Variants in GRM7 observed in about 807,000 individuals in gnomAD.
The protein encoded by GRM7 is glutamate metabotropic receptor 7.
GRM7 carries 35 observed loss-of-function variants against 84.5 expected under a neutral mutation model. The observed-to-expected ratio is 0.41, with a 90% CI of 0.32 to 0.55. The LOEUF is 0.55. GRM7 is among the 20% of genes least tolerant of loss of function. The probability of loss-of-function intolerance (pLI) is 0.19; values close to 1 mark genes in which losing one functional copy is unlikely to be tolerated. For synonymous variants in GRM7, 487 were observed against 455.1 expected (o/e 1.07, Z -0.89); for missense variants, 1,003 against 1,194.6 (o/e 0.84, Z 2.36).
chr3:7,489,234 T>C (rs1445185404), intron 7 of GRM7, among the ~76,000 whole-genome samples: 1 of 152,174 alleles, frequency 6.6e-6, no homozygotes, highest in Non-Finnish European at 1.5e-5. Flanking sequence ...TATTTTCTCT[T>C]CTTTTTCATT....
rs58178956 is a variant in GRM7, at chr3:7,566,103, GTT to G, written c.1516-12291_1516-12290del. Among the ~76,000 whole-genome samples, 595 of 129,804 alleles carry G rather than the reference GTT, an allele frequency of 4.6e-3. 7 individuals carry two copies. Among genetic ancestry groups the G allele is most frequent in the African/African-American group, 0.016 (541 of 33,252 alleles). The allele number at this position is 129,804 out of a possible 152,430, so 85.2% of individuals were successfully genotyped here. The stretch of plus-strand genomic sequence containing the variant: ...TGTTTTCTTTGGCTCTGAATCAGCT[GTT>G]TTTTTTTTTTTTTTTTTTTTTTTTT... On this transcript the variant is annotated intron_variant, in intron 7 of 9. Transcript: ENST00000357716.
chr3:7,218,822 A>G (rs1696700923), intron 2 of GRM7, among the ~76,000 whole-genome samples: 1 of 151,646 alleles, frequency 6.6e-6, no homozygotes, highest in Non-Finnish European at 1.5e-5. Context: ...AAATATATAT[A>G]TTTTCTTTGT....
chr3:6,969,155 CT>C (rs1042352088), intron 1 of GRM7, among the ~76,000 whole-genome samples: 22 of 151,780 alleles, frequency 1.4e-4, no homozygotes, highest in African/African-American at 5.3e-4. Context: ...ATTTTGCTTG[CT>C]TTTTTTGTTA....
At chr3:7,178,978 C>T (rs1695247859) in intron 2 of GRM7, among the ~76,000 whole-genome samples, 2 of 151,876 alleles carry the variant, frequency 1.3e-5, no homozygotes, top group South Asian at 2.1e-4. Context: ...TGGTGGCATG[C>T]ACCTGTAATC....
chr3:6,966,916 C>T (rs475029), intron 1 of GRM7, among the ~76,000 whole-genome samples: 141,236 of 152,304 alleles, frequency 0.93, 65,642 homozygotes, highest in East Asian at 1. Context: ...ACCTCTTTCA[C>T]CTTCAGGTAT....
intron 7 of GRM7, among the ~76,000 whole-genome samples, chr3:7,504,230 C>T (rs1699971802): frequency 6.6e-6 from 1 of 152,090 alleles, no homozygotes; most frequent in Non-Finnish European, 1.5e-5. Context: ...AAGGAGAGAC[C>T]AGGGCACATT....
chr3:7,585,558 A>G (rs1695481020), intron 8 of GRM7, among the ~76,000 whole-genome samples: 1 of 152,178 alleles, frequency 6.6e-6, no homozygotes, highest in African/African-American at 2.4e-5. Context: ...TAATCACTGG[A>G]AGTTTGAACA....
At chr3:7,439,631 T>C (rs1697204034) in intron 5 of GRM7, among the ~76,000 whole-genome samples, 1 of 152,194 alleles carries the variant, frequency 6.6e-6, no homozygotes, top group African/African-American at 2.4e-5. Flanking sequence ...CCCTGTATTA[T>C]TCTTTGTTGT....
At chr3:7,487,735 G>A (rs989334601) in intron 7 of GRM7, among the ~76,000 whole-genome samples, 2 of 152,226 alleles carry the variant, frequency 1.3e-5, no homozygotes, top group Non-Finnish European at 2.9e-5. Flanking sequence ...GGAAGACTGG[G>A]GGCCCAGGCA....
chr3:7,301,546 G>A (rs1406731859), intron 3 of GRM7, among the ~76,000 whole-genome samples: 3 of 152,112 alleles, frequency 2.0e-5, no homozygotes, highest in African/African-American at 7.2e-5. Context: ...ATGGCAATTA[G>A]TTCTGGTAAC....
intron 4 of GRM7, among the ~76,000 whole-genome samples, chr3:7,345,732 C>T (rs1356196077): frequency 1.3e-5 from 2 of 152,014 alleles, no homozygotes; most frequent in Non-Finnish European, 2.9e-5. Flanking sequence ...GATATTAACC[C>T]TGTTTACAGA....
chr3:7,169,085 A>C (rs1694899589), intron 2 of GRM7, among the ~76,000 whole-genome samples: 1 of 152,128 alleles, frequency 6.6e-6, no homozygotes, highest in South Asian at 2.1e-4. Context: ...GACCCAATCT[A>C]TGTGTCCTTT....
chr3:7,532,572 T>C (rs1433534128), intron 7 of GRM7, among the ~76,000 whole-genome samples: 3 of 151,912 alleles, frequency 2.0e-5, no homozygotes, highest in African/African-American at 7.2e-5. Context: ...AAAAAACCAG[T>C]TCCTGGGCTC....
intron 1 of GRM7, among the ~76,000 whole-genome samples, chr3:7,105,535 A>T (rs1028760531): frequency 6.6e-6 from 1 of 151,954 alleles, no homozygotes; most frequent in Admixed American, 6.6e-5. Context: ...CTGGGGAACA[A>T]TAGCTTCACT....
At chr3:7,716,945 C>G (rs1313218163) in intron 9 of GRM7, among the ~76,000 whole-genome samples, 4 of 152,082 alleles carry the variant, frequency 2.6e-5, no homozygotes, top group African/African-American at 9.7e-5. Context: ...TATCACTGTA[C>G]TCTGTTTACT....
At chr3:7,329,101 T>C (rs969106529) in intron 4 of GRM7, among the ~76,000 whole-genome samples, 23 of 151,946 alleles carry the variant, frequency 1.5e-4, no homozygotes, top group African/African-American at 5.6e-4. Flanking sequence ...GTGACATTAG[T>C]GTTAATCATA....
intron 2 of GRM7, among the ~76,000 whole-genome samples, chr3:7,210,691 G>A (rs1052760374): frequency 1.3e-5 from 2 of 152,128 alleles, no homozygotes; most frequent in Non-Finnish European, 1.5e-5. Context: ...GATAATGTTC[G>A]CCAAGAAAGC....
chr3:7,167,187 C>T (rs1188722601), intron 2 of GRM7, among the ~76,000 whole-genome samples: 2 of 152,180 alleles, frequency 1.3e-5, no homozygotes, highest in Non-Finnish European at 2.9e-5. Flanking sequence ...GGCAGCTTCT[C>T]TTGTTTTTAT....
intron 4 of GRM7, among the ~76,000 whole-genome samples, chr3:7,413,111 A>G (rs1416137840): frequency 6.6e-6 from 1 of 152,176 alleles, no homozygotes; most frequent in African/African-American, 2.4e-5. Flanking sequence ...CCTATTCCTA[A>G]AACAAGATAG....
Sources: gnomAD v4.1 joint callset for allele counts (sites outside exome capture counted in the v4.1 genomes callset) on GRCh38, gnomAD v4.1.1 for gene constraint, MANE v1.5 for transcripts, NCBI Gene and HGNC (gene_info 2026-07-23, HGNC 2026-07-21) for gene names.